Variants in PAWR observed in about 807,000 individuals in gnomAD.
PAWR encodes the protein PRKC apoptosis WT1 regulator protein.
In PAWR, 23 loss-of-function variants were observed where a neutral mutation model predicts 32.0. The observed-to-expected ratio is 0.72, with a 90% confidence interval of 0.52 to 1.02. The LOEUF is 1.02. PAWR is among the 50% of genes least tolerant of loss of function. The pLI is 0.00. For synonymous variants in PAWR, 226 were observed against 187.1 expected (o/e 1.21, Z -1.70); for missense variants, 457 against 437.7 (o/e 1.04, Z -0.39).
intron 2 of PAWR, among the ~76,000 whole-genome samples, chr12:79,645,036 C>CCACACACACACA (rs60664351): frequency 0.047 from 5,692 of 119,920 alleles, 370 homozygotes; most frequent in African/African-American, 0.14. Flanking sequence ...TCCACCCCCA[C>CCACACACACACA]CACACACACA....
At chr12:79,648,829 A>G (rs376925985) in intron 2 of PAWR, among the ~76,000 whole-genome samples, 4 of 151,836 alleles carry the variant, frequency 2.6e-5, no homozygotes, top group East Asian at 3.9e-4. Context: ...AAGGTCGTTT[A>G]GCAATTAACT....
intron 4 of PAWR, among the ~76,000 whole-genome samples, chr12:79,605,478 T>C (rs1874136993): frequency 6.6e-6 from 1 of 152,066 alleles, no homozygotes; most frequent in South Asian, 2.1e-4. Context: ...CTTTGAACTA[T>C]TCAATATTTG....
At chr12:79,619,703 T>C (rs578204512) in intron 3 of PAWR, among the ~76,000 whole-genome samples, 17 of 152,292 alleles carry the variant, frequency 1.1e-4, no homozygotes, top group South Asian at 2.1e-4. Context: ...ACTACGTAAT[T>C]AGATCTCCCC....
intron 4 of PAWR, chr12:79,603,876 T>A (rs557248922): frequency 6.6e-6 from 1 of 151,802 alleles, no homozygotes; most frequent in Non-Finnish European, 1.5e-5. Context: ...GGTTTCCCCA[T>A]GTTGACCAGG....
chr12:79,626,447 T>G (rs12302808), intron 2 of PAWR, among the ~76,000 whole-genome samples: 150,257 of 150,626 alleles, frequency 1, 74,944 homozygotes, highest in East Asian at 1. Context: ...TTTTAGTAGA[T>G]ATGAGGGTTC....
chr12:79,640,213 T>C lies in PAWR; in HGVS notation c.517-19006A>G, dbSNP rs1592523546. ...CCACCGTGCCTGGCCATAAATCTAT[T>C]TTAGCAGAGCCTACTCCCTGCCCAC... On this transcript the variant is annotated intron_variant, in intron 2 of 6. Transcript: ENST00000328827. 2.0e-5 allele frequency among the ~76,000 whole-genome samples: 3 copies of C among 152,146 alleles called. No homozygotes were observed. The South Asian group carries it at 6.2e-4, about 32-fold the overall frequency.
chr12:79,654,839 C>T (rs777892529), intron 2 of PAWR, among the ~76,000 whole-genome samples: 69 of 152,120 alleles, frequency 4.5e-4, no homozygotes, highest in Non-Finnish European at 9.1e-4. Flanking sequence ...CTATCACTTC[C>T]CTCTCTCTAA....
intron 2 of PAWR, among the ~76,000 whole-genome samples, chr12:79,656,080 T>C (rs1377343018): frequency 6.6e-6 from 1 of 152,194 alleles, no homozygotes; most frequent in Non-Finnish European, 1.5e-5. Context: ...ATCTGAGGTA[T>C]CAAGGTATCC....
chr12:79,690,437 C>A lies in PAWR; in HGVS notation c.-147-46G>T, dbSNP rs1377340210. On this transcript the variant is annotated intron_variant, in intron 1 of 6. Transcript: ENST00000328827. Reference sequence around the variant, plus strand: ...GGGCGGGTAAGGGAAGCGTAAGATCCCCGCCCGACCCAAGGGTCTGCCCCC... The same window carrying A: ...GGGCGGGTAAGGGAAGCGTAAGATCACCGCCCGACCCAAGGGTCTGCCCCC... The A allele has an allele frequency of 2.3e-5, 28 of 1,206,272 alleles. 1 individual carries two copies. The South Asian group carries it at 5.4e-4, about 23-fold the overall frequency. The allele number at this position is 1,206,272 out of a possible 1,614,324, so 74.7% of individuals were successfully genotyped here.
At chr12:79,659,504 AAG>A (rs1877249745) in intron 2 of PAWR, among the ~76,000 whole-genome samples, 1 of 152,170 alleles carries the variant, frequency 6.6e-6, no homozygotes, top group Non-Finnish European at 1.5e-5. Flanking sequence ...ATTTGTACAG[AAG>A]TAATACATGA....
rs139010615 is a variant in PAWR, at chr12:79,655,966, A to G, written c.516+33763T>C. ...TAACCCAGATCCGGGATCAAGAAAG[A>G]TTTCCGGAGTGATATCTAATAGAGA... is the stretch of plus-strand genomic sequence containing the variant. On this transcript the variant is annotated intron_variant, in intron 2 of 6. Coordinates refer to ENST00000328827, the MANE Select transcript of PAWR (RefSeq NM_002583.4). Among the ~76,000 whole-genome samples, 624 of 152,360 alleles carry G rather than the reference A, an allele frequency of 4.1e-3. 12 individuals are homozygous for G. Among genetic ancestry groups the G allele is most frequent in the African/African-American group, 0.014 (592 of 41,584 alleles).
At chr12:79,597,468 G>A (rs959800076) in intron 4 of PAWR, among the ~76,000 whole-genome samples, 3 of 151,856 alleles carry the variant, frequency 2.0e-5, no homozygotes, top group Non-Finnish European at 4.4e-5. Flanking sequence ...TGAACTGCTG[G>A]AAAAATAAAA....
chr12:79,633,050 G>A (rs1232170880), intron 2 of PAWR, among the ~76,000 whole-genome samples: 7 of 151,936 alleles, frequency 4.6e-5, no homozygotes, highest in South Asian at 4.2e-4. Flanking sequence ...AGGAGAATCC[G>A]AGAGGCGGAG....
chr12:79,636,338 C>T (rs76809897), intron 2 of PAWR, among the ~76,000 whole-genome samples: 14 of 151,906 alleles, frequency 9.2e-5, no homozygotes, highest in Admixed American at 5.2e-4. Flanking sequence ...TGTATTAACA[C>T]GTTTAAATGT....
rs80211766 is a variant in PAWR, at chr12:79,651,836, G to A, written c.517-30629C>T. Among the ~76,000 whole-genome samples the A allele has an allele frequency of 9.0e-3, 1,370 of 152,198 alleles. 24 individuals are homozygous for A. Among genetic ancestry groups the A allele is most frequent in the African/African-American group, 0.032 (1,309 of 41,526 alleles). ...AATCAGTATTTTAAATCTAGGCCAT[G>A]AAAGAAAAAGAAGCAAGCCAGTATC... On this transcript the variant is annotated intron_variant, in intron 2 of 6. Coordinates refer to ENST00000328827, the MANE Select transcript of PAWR (RefSeq NM_002583.4).
chr12:79,618,125 CTTTTT>C (rs544047759), intron 3 of PAWR, among the ~76,000 whole-genome samples: 1 of 146,014 alleles, frequency 6.8e-6, no homozygotes, highest in Non-Finnish European at 1.5e-5. Flanking sequence ...CTCATCACTT[CTTTTT>C]TTTTTTGTTT....
In PAWR at chr12:79,639,536, A is replaced by C. The variant is rs186345353; in HGVS notation, c.517-18329T>G. On this transcript the variant is annotated intron_variant, in intron 2 of 6. Coordinates refer to ENST00000328827, the MANE Select transcript of PAWR (RefSeq NM_002583.4). The stretch of plus-strand genomic sequence containing the variant: ...TCTTTAGCCTCAACTGGTCCCTCTC[A>C]AGAAACTTCACACTCTTGTTTAAAT... Among the ~76,000 whole-genome samples the C allele has an allele frequency of 3.9e-5, 6 of 152,270 alleles. No homozygotes were observed. The East Asian group carries it at 1.2e-3, about 29-fold the overall frequency.
chr12:79,601,797 T>G (rs1158853393), intron 4 of PAWR, among the ~76,000 whole-genome samples: 1 of 152,202 alleles, frequency 6.6e-6, no homozygotes, highest in African/African-American at 2.4e-5. Flanking sequence ...AAAGATCTAG[T>G]TCTAACATCA....
At position 79,690,115 on chromosome 12, in the gene PAWR, C is replaced by G; in HGVS notation, c.130G>C (p.Gly44Arg). ...TTCCCAGCGGCGTCGCTGCTGCCCCCTCCCGGGGGGGCCGGGCCCGGGGGG... is the reference window on the plus strand; with the variant it reads ...TTCCCAGCGGCGTCGCTGCTGCCCCGTCCCGGGGGGGCCGGGCCCGGGGGG... ...QNPPGPAPPGGGSSDAAGKPP... is the reference protein window; with the variant it reads ...QNPPGPAPPGRGSSDAAGKPP... The change falls in exon 2 of 7, where the codon GGG becomes CGG. Residue 44 changes from glycine (G) to arginine (R), a missense_variant. Coordinates refer to ENST00000328827, the MANE Select transcript of PAWR (RefSeq NM_002583.4). 1 of 1,502,448 alleles carries G rather than the reference C, an allele frequency of 6.7e-7. No homozygotes were observed. The highest frequency in any genetic ancestry group is 8.9e-7 in the Non-Finnish European group (1 of 1,129,820). 93.1% of individuals were successfully genotyped at this position (1,502,448 alleles called of 1,614,324 possible). A position where few individuals can be genotyped will look rare whatever the true frequency, so the allele number is the denominator to read the frequency against.
Sources: gnomAD v4.1 joint callset for allele counts (sites outside exome capture counted in the v4.1 genomes callset) on GRCh38, gnomAD v4.1.1 for gene constraint, MANE v1.5 for transcripts, NCBI Gene and HGNC (gene_info 2026-07-23, HGNC 2026-07-21) for gene names.